Variants in ZNF398 observed in about 807,000 individuals in gnomAD.
ZNF398 encodes the protein zinc finger protein 398.
In ZNF398, 18 loss-of-function variants were observed where a neutral mutation model predicts 41.9. That is an observed-to-expected ratio of 0.43 (90% CI 0.30 to 0.64). The LOEUF is 0.64. ZNF398 is among the 30% of genes least tolerant of loss of function. ZNF398 has a pLI of 0.14. For missense variants in ZNF398, 669 were observed against 822.8 expected, an observed-to-expected ratio of 0.81 and a Z score of 2.29; for synonymous variants, 260 against 308.8, an observed-to-expected ratio of 0.84 and a Z score of 1.66.
intron 1 of ZNF398, among the ~76,000 whole-genome samples, chr7:149,127,288 T>C (rs1197524128): frequency 1.0e-5 from 1 of 98,582 alleles, no homozygotes; most frequent in Non-Finnish European, 2.4e-5. Flanking sequence ...TTAGAAAGGA[T>C]GTCCATGAGA....
At chr7:149,166,546 G>A (rs1414235198) in intron 3 of ZNF398, among the ~76,000 whole-genome samples, 1 of 152,188 alleles carries the variant, frequency 6.6e-6, no homozygotes. Flanking sequence ...ACTTGGAAAG[G>A]AGCTTGACTT....
chr7:149,141,483 C>A (rs1585507418), intron 2 of ZNF398, among the ~76,000 whole-genome samples: 1 of 119,172 alleles, frequency 8.4e-6, no homozygotes, highest in Admixed American at 1.2e-4. Flanking sequence ...GAGACGGAGT[C>A]TCACTCTGTA....
upstream of ZNF398, among the ~76,000 whole-genome samples, chr7:149,142,850 G>T (rs1049727669): frequency 5.9e-5 from 9 of 152,156 alleles, no homozygotes; most frequent in African/African-American, 2.2e-4. Context: ...TGTAAAATCA[G>T]TAAACGGAAA....
chr7:149,162,250 C>T (rs3953483), intron 2 of ZNF398, among the ~76,000 whole-genome samples: 90,055 of 151,648 alleles, frequency 0.59, 28,285 homozygotes, highest in East Asian at 0.9. Flanking sequence ...GGCGCAGTCT[C>T]GGCTCACTGT....
chr7:149,151,688 T>TA (rs1282140475), intron 1 of ZNF398, among the ~76,000 whole-genome samples: 241 of 148,342 alleles, frequency 1.6e-3, no homozygotes, highest in African/African-American at 3.2e-3. Flanking sequence ...AATAAAAAAA[T>TA]AAAAAAAAAA....
intron 1 of ZNF398, among the ~76,000 whole-genome samples, chr7:149,153,230 C>G (rs1425182201): frequency 6.6e-6 from 1 of 152,086 alleles, no homozygotes; most frequent in African/African-American, 2.4e-5. Context: ...GTAGCCCCAG[C>G]TACTTAGGAG....
chr7:149,155,347 G>C (rs893842338), intron 2 of ZNF398, among the ~76,000 whole-genome samples: 1 of 152,040 alleles, frequency 6.6e-6, no homozygotes, highest in African/African-American at 2.4e-5. Context: ...TTGAACCCGG[G>C]AGACAGAGGT....
Position 149,135,659 on chromosome 7 carries a change from AAT to A in ZNF398, c.-490+6717_-490+6718del, listed in dbSNP as rs1826695184. Among the ~76,000 whole-genome samples the A allele has an allele frequency of 2.3e-4, 9 of 39,726 alleles. No individual in the cohort carries two copies. The South Asian group carries it at 0.032, about 142-fold the overall frequency. The allele number at this position is 39,726 out of a possible 152,430, so 26.1% of individuals were successfully genotyped here. A position where few individuals can be genotyped will look rare whatever the true frequency, so the allele number is the denominator to read the frequency against. On this transcript the variant is annotated intron_variant, in intron 2 of 6. Coordinates refer to the ZNF398 transcript ENST00000426851. Reference sequence around the variant, plus strand: ...CTACCTGTTCCCCAAAAACTATTAGAATAATAATAATAGTCCGGGTGCGGTAG... The same window carrying A: ...CTACCTGTTCCCCAAAAACTATTAGAAATAATAATAGTCCGGGTGCGGTAG...
At chr7:149,173,660 T>G (rs1157656992) in intron 4 of ZNF398, among the ~76,000 whole-genome samples, 1 of 152,196 alleles carries the variant, frequency 6.6e-6, no homozygotes, top group African/African-American at 2.4e-5. Flanking sequence ...GAATTTTTTC[T>G]TCTGAGCAGT....
At chr7:149,140,647 G>C (rs557925560) in intron 2 of ZNF398, among the ~76,000 whole-genome samples, 26 of 152,150 alleles carry the variant, frequency 1.7e-4, no homozygotes, top group Admixed American at 3.3e-4. Flanking sequence ...GCCTCCCAAA[G>C]TGTTGGGATT....
intron 1 of ZNF398, chr7:149,148,430 A>C: frequency 1.0e-6 from 1 of 985,526 alleles, no homozygotes; most frequent in Non-Finnish European, 1.2e-6. Flanking sequence ...TAGAATGAGA[A>C]GGGGACGGTC....
intron 4 of ZNF398, among the ~76,000 whole-genome samples, chr7:149,170,081 C>A (rs964391937): frequency 6.6e-6 from 1 of 152,174 alleles, no homozygotes; most frequent in Admixed American, 6.6e-5. Context: ...GGGCTAATCA[C>A]ATGCATACCC....
intron 2 of ZNF398, among the ~76,000 whole-genome samples, chr7:149,156,876 G>T (rs1034353475): frequency 3.8e-5 from 5 of 130,388 alleles, no homozygotes; most frequent in African/African-American, 8.5e-5. Flanking sequence ...AAAAAAAAAA[G>T]AATAATTATA....
chr7:149,165,302 G>C (rs1372468480), intron 2 of ZNF398, among the ~76,000 whole-genome samples: 1 of 152,166 alleles, frequency 6.6e-6, no homozygotes, highest in African/African-American at 2.4e-5. Context: ...AAGTCAAAAA[G>C]ACATTGGAAA....
At position 149,166,927 on chromosome 7, in the gene ZNF398, G is replaced by A; in HGVS notation, c.658G>A (p.Glu220Lys). ...EESEIPTDPS[E>K]EPGISTSDIL... ...AAGTGAGATTCCCACAGACCCCAGTGAAGGTAAGTGGGAGAAGAGATTCCT... is the reference window on the plus strand; with the variant it reads ...AAGTGAGATTCCCACAGACCCCAGTAAAGGTAAGTGGGAGAAGAGATTCCT... The change falls in exon 4 of 6, where the codon GAA becomes AAA. Residue 220 changes from glutamate to lysine, a missense_variant. This residue lies in a region of ZNF398 where 290 missense variants were observed against 292.9 expected (regional missense o/e 0.99). Coordinates refer to ENST00000475153, the MANE Select transcript of ZNF398 (RefSeq NM_170686.3). The A allele has an allele frequency of 6.2e-7, 1 of 1,602,514 alleles. No individual in the cohort carries two copies. Among genetic ancestry groups the A allele is most frequent in the Non-Finnish European group, 8.5e-7 (1 of 1,171,430 alleles).
chr7:149,142,808 A>T (rs1826855595), upstream of ZNF398, among the ~76,000 whole-genome samples: 1 of 152,228 alleles, frequency 6.6e-6, no homozygotes, highest in South Asian at 2.1e-4. Flanking sequence ...CCTAGGTCTC[A>T]GTGAATCTGA....
At chr7:149,141,447 CTTTTTTTTCTTT>C (rs1186804547) in intron 2 of ZNF398, among the ~76,000 whole-genome samples, 3 of 116,816 alleles carry the variant, frequency 2.6e-5, no homozygotes, top group Admixed American at 1.1e-4. Context: ...AGCTACTTTT[CTTTTTTTTCTTT>C]TTTTTTTTTT....
At chr7:149,177,782 G>A (rs922996729) in intron 5 of ZNF398, among the ~76,000 whole-genome samples, 1 of 152,186 alleles carries the variant, frequency 6.6e-6, no homozygotes, top group Non-Finnish European at 1.5e-5. Context: ...TATAGTGAAA[G>A]TAACGTTGGG....
rs1359986695 is a variant in ZNF398 at position 149,155,707 on chromosome 7, A to AT, written c.420+1389dup. ...GTTATATATATATATATATATATAT[A>AT]TTTTTTTTTTTTTTTTTTTTTTAAT... On this transcript the variant is annotated intron_variant, in intron 2 of 5. Coordinates refer to ENST00000475153, the MANE Select transcript of ZNF398 (RefSeq NM_170686.3). Among the ~76,000 whole-genome samples the AT allele has an allele frequency of 3.5e-4, 26 of 73,530 alleles. 1 individual carries two copies. The highest frequency in any genetic ancestry group is 1.6e-3 in the African/African-American group (24 of 14,796). The allele number at this position is 73,530 out of a possible 152,430, so 48.2% of individuals were successfully genotyped here.
Sources: gnomAD v4.1 joint callset for allele counts (sites outside exome capture counted in the v4.1 genomes callset) on GRCh38, gnomAD v4.1.1 for gene constraint, gnomAD v4.1.1 regional missense constraint, MANE v1.5 for transcripts, NCBI Gene and HGNC (gene_info 2026-07-23, HGNC 2026-07-21) for gene names.